The following DST variants were observed in gnomAD, a reference collection of about 807,000 sequenced individuals.
The protein encoded by DST is dystonin, also known as bullous pemphigoid antigen.
DST carries 253 observed loss-of-function variants against 875.2 expected under a neutral mutation model. The ratio of observed to expected loss-of-function variants is 0.29; its 90% CI spans 0.26 to 0.32. The LOEUF is 0.32. DST is among the 10% of genes least tolerant of loss of function. The probability of loss-of-function intolerance (pLI) is 1.00; values close to 1 mark genes in which losing one functional copy is unlikely to be tolerated. For synonymous variants in DST, 3,124 were observed against 3,197.1 expected, an observed-to-expected ratio of 0.98 and a Z score of 0.77; for missense variants, 8,287 against 9,111.6, an observed-to-expected ratio of 0.91 and a Z score of 3.68.
At chr6:56,953,712 C>A (rs972232452) in intron 2 of DST, 73 bp downstream of exon 2, 7 of 1,100,830 alleles carry the variant, frequency 6.4e-6, no homozygotes, top group South Asian at 1.4e-5. Flanking sequence ...TTTCTTAACA[C>A]GCATATAATT....
chr6:56,784,487 G>A (rs370359041), intron 4 of DST, among the ~76,000 whole-genome samples: 7 of 151,914 alleles, frequency 4.6e-5, no homozygotes, highest in South Asian at 4.2e-4. Context: ...ATCTTCCATC[G>A]CTGATACCCT....
Position 56,560,431 on chromosome 6 carries a change from G to C in DST, c.14311-8C>G, listed in dbSNP as rs879237914. 7.0e-6 allele frequency: 11 copies of C among 1,581,514 alleles called. No individual in the cohort carries two copies. The highest frequency in any genetic ancestry group is 3.3e-4 in the Middle Eastern group (2 of 6,006). ...CAGTTCTGCCTCAAACGACTAACAA[G>C]GGAAAAATAATAATAAATCATGTGT... On this transcript the variant is annotated splice_polypyrimidine_tract_variant and splice_region_variant and intron_variant, in intron 57 of 103. Coordinates refer to ENST00000680361, the MANE Select transcript of DST (RefSeq NM_001374736.1).
At chr6:56,520,117 T>C (rs544103243) in intron 69 of DST, among the ~76,000 whole-genome samples, 11 of 151,990 alleles carry the variant, frequency 7.2e-5, no homozygotes, top group African/African-American at 2.7e-4. Flanking sequence ...AAAATCTCAG[T>C]GGATGAGCTC....
At chr6:56,804,257 T>C (rs537147626) in intron 4 of DST, among the ~76,000 whole-genome samples, 1 of 152,236 alleles carries the variant, frequency 6.6e-6, no homozygotes, top group African/African-American at 2.4e-5. Context: ...ATGAGAAGGA[T>C]TTACACAATT....
At chr6:56,870,370 C>G (rs1439058512) in intron 3 of DST, among the ~76,000 whole-genome samples, 3 of 150,720 alleles carry the variant, frequency 2.0e-5, no homozygotes, top group South Asian at 2.1e-4. Context: ...AAGGCAACCC[C>G]CTTTGGGTTC....
intron 4 of DST, among the ~76,000 whole-genome samples, chr6:56,805,332 A>G (rs1013169561): frequency 6.6e-6 from 1 of 152,208 alleles, no homozygotes; most frequent in East Asian, 1.9e-4. Flanking sequence ...CTATTGGAAG[A>G]CAAAATTTCC....
At chr6:56,719,951 G>A (rs1172376545) in intron 5 of DST, among the ~76,000 whole-genome samples, 1 of 152,172 alleles carries the variant, frequency 6.6e-6, no homozygotes. Flanking sequence ...CAGGACTGGG[G>A]CAAAATTAGA....
chr6:56,840,033 C>T (rs192272258), intron 4 of DST, among the ~76,000 whole-genome samples: 2 of 152,232 alleles, frequency 1.3e-5, no homozygotes, highest in East Asian at 1.9e-4. Context: ...AAAAATAACC[C>T]TTTTGGTGGA....
chr6:56,742,313 G>C, intron 4 of DST: 1 of 1,289,690 alleles, frequency 7.8e-7, no homozygotes, highest in Non-Finnish European at 1.0e-6. Flanking sequence ...TTCCAATCTT[G>C]ATCATTTTTC....
At chr6:56,614,769 TG>T in intron 36 of DST, 1 of 1,043,564 alleles carries the variant, frequency 9.6e-7, no homozygotes, top group Non-Finnish European at 1.2e-6. Flanking sequence ...ACTTTATTCA[TG>T]AGGCACTAGA....
chr6:56,532,306 T>C (rs751880824), intron 64 of DST, 38 bp downstream of exon 64: 9 of 1,594,988 alleles, frequency 5.6e-6, no homozygotes, highest in Non-Finnish European at 7.7e-6. Flanking sequence ...CAGAGGCCAC[T>C]GCTACTCTTT....
chr6:56,614,417 T>A lies in DST; in HGVS notation c.4997A>T (p.Asn1666Ile), dbSNP rs183804748. ...KAKELQKWVSNISKTLKDAEK... is the reference protein window; with the variant it reads ...KAKELQKWVSIISKTLKDAEK... ...TGCATCTTTCAATGTCTTGCTGATA[T>A]TTGATACCCATTTTTGCAATTCTTT... The change falls in exon 37 of 104, where the codon AAT becomes ATT. Residue 1666 changes from asparagine (N) to isoleucine (I), a missense_variant. Transcript: ENST00000680361. The A allele has an allele frequency of 9.9e-4, 1,593 of 1,611,782 alleles. 3 individuals carry two copies. The highest frequency in any genetic ancestry group is 3.0e-3 in the Middle Eastern group (18 of 6,054).
chr6:56,740,436 AC>A (rs2099542768), intron 4 of DST, among the ~76,000 whole-genome samples: 1 of 152,194 alleles, frequency 6.6e-6, no homozygotes, highest in Non-Finnish European at 1.5e-5. Context: ...AGAGAGAAGG[AC>A]CAACCTCATC....
intron 90 of DST, among the ~76,000 whole-genome samples, chr6:56,479,115 G>T (rs1346343699): frequency 6.6e-6 from 1 of 152,096 alleles, no homozygotes; most frequent in Non-Finnish European, 1.5e-5. Flanking sequence ...AAAAACACAT[G>T]AACAGACATT....
Position 56,625,138 on chromosome 6 carries a change from T to C in DST, c.4830+19A>G. Reference sequence around the variant, plus strand: ...TTTCTTTTATGCCCCTTCCCCTCTTTCTCTCATACTTTTATTACCTCTTGA... The same window carrying C: ...TTTCTTTTATGCCCCTTCCCCTCTTCCTCTCATACTTTTATTACCTCTTGA... On this transcript the variant is annotated intron_variant, in intron 35 of 103. Transcript: ENST00000680361. The C allele has an allele frequency of 6.5e-7, 1 of 1,538,754 alleles. No individual in the cohort carries two copies. The highest frequency in any genetic ancestry group is 9.0e-7 in the Non-Finnish European group (1 of 1,111,584).
chr6:56,779,544 C>G (rs1564132940), intron 4 of DST, among the ~76,000 whole-genome samples: 1 of 151,882 alleles, frequency 6.6e-6, no homozygotes, highest in Non-Finnish European at 1.5e-5. Context: ...TTTAATCCAT[C>G]TTGAATTAAT....
At chr6:56,653,360 T>C (rs2098986800) in intron 10 of DST, among the ~76,000 whole-genome samples, 1 of 151,994 alleles carries the variant, frequency 6.6e-6, no homozygotes, top group South Asian at 2.1e-4. Flanking sequence ...GAAAATTAGT[T>C]AAACAAAAAA....
intron 61 of DST, among the ~76,000 whole-genome samples, chr6:56,546,872 G>C (rs139605334): frequency 6.6e-6 from 1 of 152,116 alleles, no homozygotes; most frequent in African/African-American, 2.4e-5. Flanking sequence ...AATGACAGTA[G>C]ATACCGCAGT....
chr6:56,758,245 C>T (rs1295441379), intron 4 of DST, among the ~76,000 whole-genome samples: 1 of 152,120 alleles, frequency 6.6e-6, no homozygotes, highest in Non-Finnish European at 1.5e-5. Context: ...CAGCTGTGGC[C>T]ATTGAGATGA....
Sources: gnomAD v4.1 joint callset for allele counts (sites outside exome capture counted in the v4.1 genomes callset) on GRCh38, gnomAD v4.1.1 for gene constraint, MANE v1.5 for transcripts, NCBI Gene and HGNC (gene_info 2026-07-23, HGNC 2026-07-21) for gene names.